GUCY1A2: variants seen among roughly 807,000 people sequenced by gnomAD.
The protein encoded by GUCY1A2 is guanylate cyclase soluble subunit alpha-2.
GUCY1A2 carries 27 observed loss-of-function variants against 63.5 expected under a neutral mutation model. The ratio of observed to expected loss-of-function variants is 0.43; its 90% CI spans 0.31 to 0.59. The LOEUF (loss-of-function observed/expected upper bound fraction) is 0.59. GUCY1A2 is among the 20% of genes least tolerant of loss of function. The probability of loss-of-function intolerance (pLI) is 0.11; values close to 1 mark genes in which losing one functional copy is unlikely to be tolerated. For missense variants in GUCY1A2, 768 were observed against 913.3 expected, an observed-to-expected ratio of 0.84 and a Z score of 2.05; for synonymous variants, 364 against 343.5, an observed-to-expected ratio of 1.06 and a Z score of -0.66.
chr11:106,960,594 C>T (rs1165797578), intron 3 of GUCY1A2, among the ~76,000 whole-genome samples: 1 of 152,026 alleles, frequency 6.6e-6, no homozygotes, highest in Non-Finnish European at 1.5e-5. Context: ...ATTCAGGTTC[C>T]TTTACATTTT....
At chr11:106,842,385 A>G (rs1859211150) in intron 4 of GUCY1A2, among the ~76,000 whole-genome samples, 1 of 151,980 alleles carries the variant, frequency 6.6e-6, no homozygotes, top group East Asian at 1.9e-4. Context: ...GCTAATATAC[A>G]TAAAGGCCAC....
chr11:106,796,789 C>G (rs1014579672), intron 5 of GUCY1A2, among the ~76,000 whole-genome samples: 1 of 151,868 alleles, frequency 6.6e-6, no homozygotes, highest in Non-Finnish European at 1.5e-5. Context: ...CTTTGTGGTG[C>G]TCTCTGTATT....
chr11:106,860,595 T>C lies in GUCY1A2; in HGVS notation c.1207-50117A>G, dbSNP rs542710667. Among the ~76,000 whole-genome samples, 70 of 152,096 alleles carry C rather than the reference T, an allele frequency of 4.6e-4. No individual in the cohort carries two copies. In the Middle Eastern group the frequency reaches 0.017, roughly 37 times the overall value. On this transcript the variant is annotated intron_variant, in intron 4 of 7. Coordinates refer to ENST00000526355, the MANE Select transcript of GUCY1A2 (RefSeq NM_000855.3). ...CCAGACAACCAAGCATATTCAACTA[T>C]GTATAAAGAGAGTAAGTGAGAGCAT...
chr11:106,840,253 G>A (rs1247055184), intron 4 of GUCY1A2, among the ~76,000 whole-genome samples: 1 of 151,834 alleles, frequency 6.6e-6, no homozygotes, highest in Non-Finnish European at 1.5e-5. Context: ...TATCCATCAG[G>A]GCTACTGTAG....
intron 4 of GUCY1A2, among the ~76,000 whole-genome samples, chr11:106,858,536 A>G (rs1034037255): frequency 1.3e-5 from 2 of 152,132 alleles, no homozygotes; most frequent in Admixed American, 6.6e-5. Flanking sequence ...CTAGGAATAC[A>G]TCATCAAGAG....
chr11:106,773,043 A>C (rs1864285385), intron 6 of GUCY1A2, among the ~76,000 whole-genome samples: 1 of 152,188 alleles, frequency 6.6e-6, no homozygotes, highest in Admixed American at 6.5e-5. Context: ...TAAATGGTTA[A>C]ATATAAACAT....
At chr11:106,851,362 C>A (rs72986526) in intron 4 of GUCY1A2, among the ~76,000 whole-genome samples, 1 of 151,544 alleles carries the variant, frequency 6.6e-6, no homozygotes, top group Non-Finnish European at 1.5e-5. Context: ...TAATATAATC[C>A]CATTTACCTA....
chr11:106,674,838 C>G lies in GUCY1A2; in HGVS notation c.*12711G>C, dbSNP rs1862318807. 1 of 217,178 alleles carries G rather than the reference C, an allele frequency of 4.6e-6. No individual in the cohort carries two copies. Among genetic ancestry groups the G allele is most frequent in the Non-Finnish European group, 9.3e-6 (1 of 107,928 alleles). The allele number at this position is 217,178 out of a possible 1,614,324, so 13.5% of individuals were successfully genotyped here. A position where few individuals can be genotyped will look rare whatever the true frequency, so the allele number is the denominator to read the frequency against. ...AATAATTCAGGTTAAATGAAAACCACCCCATGCAGAGGATGCTAATGAAGG... is the reference window on the plus strand; with the variant it reads ...AATAATTCAGGTTAAATGAAAACCAGCCCATGCAGAGGATGCTAATGAAGG... On this transcript the variant is annotated 3_prime_UTR_variant, in exon 8 of 8. Transcript: ENST00000526355.
intron 3 of GUCY1A2, among the ~76,000 whole-genome samples, chr11:106,967,843 A>G (rs1224645096): frequency 6.6e-6 from 1 of 152,206 alleles, no homozygotes; most frequent in Non-Finnish European, 1.5e-5. Context: ...GCATCTAGCA[A>G]GAGACATTAA....
intron 4 of GUCY1A2, among the ~76,000 whole-genome samples, chr11:106,844,707 A>G (rs769585913): frequency 1.6e-4 from 24 of 151,720 alleles, no homozygotes; most frequent in African/African-American, 5.6e-4. Context: ...TATCATTGCT[A>G]TTATCAGACA....
chr11:106,968,743 A>C (rs1244718503), intron 3 of GUCY1A2, among the ~76,000 whole-genome samples: 1 of 152,290 alleles, frequency 6.6e-6, no homozygotes, highest in Non-Finnish European at 1.5e-5. Context: ...ACCATTCCCT[A>C]CCACCCAACA....
At chr11:106,731,146 T>C (rs1863496409) in intron 6 of GUCY1A2, among the ~76,000 whole-genome samples, 1 of 152,172 alleles carries the variant, frequency 6.6e-6, no homozygotes. Flanking sequence ...GTTTTTGGCA[T>C]CTTCCTCATA....
At position 106,677,576 on chromosome 11, in the gene GUCY1A2, A is replaced by G. The variant is rs772223101; in HGVS notation, c.*9973T>C. 2 of 208,714 alleles carry G rather than the reference A, an allele frequency of 9.6e-6. No homozygotes were observed. The highest frequency in any genetic ancestry group is 9.8e-6 in the Non-Finnish European group (1 of 102,454). 12.9% of individuals were successfully genotyped at this position (208,714 alleles called of 1,614,324 possible). A position where few individuals can be genotyped will look rare whatever the true frequency, so the allele number is the denominator to read the frequency against. ...AATATTCACTCTAATTAGCATATTT[A>G]TTAAATTTCTTGTTTGTTTTATCAA... is the stretch of plus-strand genomic sequence containing the variant. On this transcript the variant is annotated 3_prime_UTR_variant, in exon 8 of 8. Transcript: ENST00000526355.
At chr11:106,714,431 T>G (rs1863181737) in intron 6 of GUCY1A2, among the ~76,000 whole-genome samples, 1 of 152,170 alleles carries the variant, frequency 6.6e-6, no homozygotes, top group South Asian at 2.1e-4. Context: ...TTCTGATAAT[T>G]TATTGAGATT....
intron 3 of GUCY1A2, among the ~76,000 whole-genome samples, chr11:106,971,915 T>A (rs138344506): frequency 1.4e-3 from 215 of 152,164 alleles, no homozygotes; most frequent in African/African-American, 4.6e-3. Context: ...CTTATAGTGC[T>A]GGGAAGTAAG....
At chr11:106,866,866 T>C (rs1239172785) in intron 4 of GUCY1A2, among the ~76,000 whole-genome samples, 1 of 152,070 alleles carries the variant, frequency 6.6e-6, no homozygotes, top group African/African-American at 2.4e-5. Flanking sequence ...TAATGAATTA[T>C]GTTGCCATTA....
chr11:106,746,306 G>A (rs1018397191), intron 6 of GUCY1A2, among the ~76,000 whole-genome samples: 3 of 152,294 alleles, frequency 2.0e-5, no homozygotes, highest in Admixed American at 6.5e-5. Flanking sequence ...TATTTGTAGA[G>A]TGAAGAATGT....
intron 4 of GUCY1A2, among the ~76,000 whole-genome samples, chr11:106,890,597 T>G (rs1859960655): frequency 1.3e-5 from 2 of 152,144 alleles, no homozygotes; most frequent in African/African-American, 4.8e-5. Context: ...CTTACCAAAA[T>G]TTTTCCTGCT....
chr11:106,861,150 C>A (rs1331518884), intron 4 of GUCY1A2, among the ~76,000 whole-genome samples: 1 of 151,952 alleles, frequency 6.6e-6, no homozygotes. Flanking sequence ...AACCCAGTCT[C>A]TAGTTTCACA....
Sources: gnomAD v4.1 joint callset for allele counts (sites outside exome capture counted in the v4.1 genomes callset) on GRCh38, gnomAD v4.1.1 for gene constraint, MANE v1.5 for transcripts, NCBI Gene and HGNC (gene_info 2026-07-23, HGNC 2026-07-21) for gene names.